The following PLGRKT variants were observed in gnomAD, a reference collection of about 807,000 sequenced individuals.
PLGRKT encodes the protein plasminogen receptor with a C-terminal lysine, also known as plasminogen receptor (KT).
Under a neutral mutation model 18.5 loss-of-function variants are expected in PLGRKT, and 22 were observed. That is an observed-to-expected ratio of 1.19 (90% CI 0.85 to 1.70). The LOEUF (loss-of-function observed/expected upper bound fraction) is 1.70, where lower values mean the gene tolerates loss of function less well. Among genes scored for constraint, PLGRKT ranks in the 40% most tolerant of loss-of-function variants. The pLI is 0.00. For synonymous variants in PLGRKT, 72 were observed against 52.8 expected, an observed-to-expected ratio of 1.36 and a Z score of -1.58; for missense variants, 235 against 174.4, an observed-to-expected ratio of 1.35 and a Z score of -1.96.
intron 3 of PLGRKT, among the ~76,000 whole-genome samples, chr9:5,420,017 C>T (rs190119130): frequency 5.5e-4 from 84 of 152,254 alleles, no homozygotes; most frequent in African/African-American, 1.9e-3. Context: ...GTGGTATATC[C>T]ATACAATGGA....
intron 2 of PLGRKT, among the ~76,000 whole-genome samples, chr9:5,434,685 G>A (rs1002318666): frequency 6.7e-6 from 1 of 150,322 alleles, no homozygotes; most frequent in African/African-American, 2.5e-5. Flanking sequence ...ACCCCGTCTG[G>A]GAAGTGAGGT....
rs367784088 is a variant in PLGRKT, at chr9:5,361,819, G to C, written c.151C>G (p.Arg51Gly). The change falls in exon 4 of 6, where the codon CGG (arginine) becomes GGG (glycine). Residue 51 changes from arginine to glycine, a missense_variant. By Grantham distance (125) the Arg-to-Gly change is moderately radical. Coordinates refer to ENST00000223864, the MANE Select transcript of PLGRKT (RefSeq NM_018465.4). ...GTTCCAAAATATTTGAGGAATTCCCGAGACCACGCAATCTGCATGGCCATT... is the reference window on the plus strand; with the variant it reads ...GTTCCAAAATATTTGAGGAATTCCCCAGACCACGCAATCTGCATGGCCATT... The part of the protein sequence containing the change: ...RQMAMQIAWS[R>G]EFLKYFGTFF... 4.2e-5 allele frequency: 68 copies of C among 1,612,918 alleles called. No homozygotes were observed. Among genetic ancestry groups the C allele is most frequent in the Non-Finnish European group, 5.7e-5 (67 of 1,179,356 alleles).
chr9:5,408,476 A>T (rs569353373), intron 3 of PLGRKT, among the ~76,000 whole-genome samples: 73 of 152,358 alleles, frequency 4.8e-4, no homozygotes, highest in African/African-American at 1.7e-3. Flanking sequence ...CCAGCAAAAC[A>T]TTTGAGATGT....
rs555291353 is a variant in PLGRKT, at chr9:5,361,879, G to T, written c.91C>A (p.Gln31Lys). ...LMNARLQLER[Q>K]LIMQSEMRER... Reference sequence around the variant, plus strand: ...CTCATTTCACTCTGCATGATGAGCTGCCTTTCCAGCTAAGGACAAAACAAA... The same window carrying T: ...CTCATTTCACTCTGCATGATGAGCTTCCTTTCCAGCTAAGGACAAAACAAA... The change falls in exon 4 of 6, where the codon CAG becomes AAG. Residue 31 changes from glutamine to lysine, a missense_variant. Gln to Lys is a moderately conservative substitution (Grantham distance 53, BLOSUM62 1). Coordinates refer to ENST00000223864, the MANE Select transcript of PLGRKT (RefSeq NM_018465.4). 1 of 1,612,254 alleles carries T rather than the reference G, an allele frequency of 6.2e-7. No individual in the cohort carries two copies. The highest frequency in any genetic ancestry group is 8.5e-7 in the Non-Finnish European group (1 of 1,179,286).
At chr9:5,428,256 G>A (rs1338653047) in intron 3 of PLGRKT, among the ~76,000 whole-genome samples, 1 of 152,316 alleles carries the variant, frequency 6.6e-6, no homozygotes, top group African/African-American at 2.4e-5. Flanking sequence ...CTGGCACTGA[G>A]TGGCTCTCTC....
At chr9:5,375,681 C>T (rs1238685980) in intron 3 of PLGRKT, among the ~76,000 whole-genome samples, 1 of 152,140 alleles carries the variant, frequency 6.6e-6, no homozygotes, top group Non-Finnish European at 1.5e-5. Context: ...AACAAACACA[C>T]AACAAAAACA....
chr9:5,386,141 T>C (rs1817838610), intron 3 of PLGRKT, among the ~76,000 whole-genome samples: 1 of 151,872 alleles, frequency 6.6e-6, no homozygotes, highest in Non-Finnish European at 1.5e-5. Context: ...AAGTCCTTTT[T>C]CTCTGACCCA....
chr9:5,427,009 C>T (rs781605491), intron 3 of PLGRKT, among the ~76,000 whole-genome samples: 2 of 152,222 alleles, frequency 1.3e-5, no homozygotes, highest in Non-Finnish European at 2.9e-5. Context: ...TTTATTACAG[C>T]AGTCCCCTCT....
intron 3 of PLGRKT, among the ~76,000 whole-genome samples, chr9:5,423,208 T>C (rs1288429126): frequency 1.3e-5 from 2 of 152,164 alleles, no homozygotes; most frequent in African/African-American, 4.8e-5. Context: ...ACTACCCTGT[T>C]CAAGAGCCTG....
chr9:5,384,778 C>T (rs910470230), intron 3 of PLGRKT, among the ~76,000 whole-genome samples: 15 of 152,008 alleles, frequency 9.9e-5, no homozygotes, highest in African/African-American at 3.6e-4. Context: ...ACTCCCCACA[C>T]AAAAACCAGC....
intron 3 of PLGRKT, among the ~76,000 whole-genome samples, chr9:5,429,327 G>A (rs10815221): frequency 0.53 from 80,745 of 152,130 alleles, 24,557 homozygotes; most frequent in Non-Finnish European, 0.67. Context: ...CCACTGCCCA[G>A]TGCAGCAGCA....
intron 3 of PLGRKT, among the ~76,000 whole-genome samples, chr9:5,381,400 C>G (rs1817743301): frequency 6.6e-6 from 1 of 152,246 alleles, no homozygotes; most frequent in Non-Finnish European, 1.5e-5. Context: ...CAAGGTACAG[C>G]TCAGGTCATT....
At chr9:5,415,807 A>G (rs1213564164) in intron 3 of PLGRKT, among the ~76,000 whole-genome samples, 1 of 152,184 alleles carries the variant, frequency 6.6e-6, no homozygotes, top group African/African-American at 2.4e-5. Flanking sequence ...ATTTCTCAAA[A>G]GTACTTATCA....
intron 3 of PLGRKT, among the ~76,000 whole-genome samples, chr9:5,426,919 G>A (rs1450288334): frequency 6.6e-6 from 1 of 152,108 alleles, no homozygotes; most frequent in African/African-American, 2.4e-5. Flanking sequence ...TCTCCTTTAT[G>A]GGACTTGGAG....
At chr9:5,399,507 T>C (rs1170311621) in intron 3 of PLGRKT, among the ~76,000 whole-genome samples, 1 of 151,868 alleles carries the variant, frequency 6.6e-6, no homozygotes, top group African/African-American at 2.4e-5. Flanking sequence ...AAGTGACAGT[T>C]AGTGAATATG....
intron 3 of PLGRKT, among the ~76,000 whole-genome samples, chr9:5,399,958 C>T (rs1166368540): frequency 6.6e-6 from 1 of 151,498 alleles, no homozygotes; most frequent in African/African-American, 2.4e-5. Context: ...CCACTGCACT[C>T]CAGTCTGGGC....
intron 4 of PLGRKT, 125 bp from the exon 5 acceptor site, chr9:5,361,312 C>T (rs2131055754): frequency 1.7e-6 from 1 of 600,970 alleles, no homozygotes; most frequent in East Asian, 2.9e-5. Flanking sequence ...AGTTACTTAA[C>T]ACATTTGATA....
At chr9:5,404,876 A>T (rs1378187565) in intron 3 of PLGRKT, among the ~76,000 whole-genome samples, 1 of 152,064 alleles carries the variant, frequency 6.6e-6, no homozygotes. Flanking sequence ...TACCTAGAAA[A>T]CCCCATTGAC....
intron 3 of PLGRKT, among the ~76,000 whole-genome samples, chr9:5,400,585 G>A (rs1454966637): frequency 6.6e-6 from 1 of 151,814 alleles, no homozygotes; most frequent in Non-Finnish European, 1.5e-5. Flanking sequence ...TGTGTTTACT[G>A]AACATCATCC....
Sources: gnomAD v4.1 joint callset for allele counts (sites outside exome capture counted in the v4.1 genomes callset) on GRCh38, gnomAD v4.1.1 for gene constraint, MANE v1.5 for transcripts, NCBI Gene and HGNC (gene_info 2026-07-23, HGNC 2026-07-21) for gene names.